The following PITPNM2 variants were observed in gnomAD, a reference collection of about 807,000 sequenced individuals.
The protein encoded by PITPNM2 is membrane-associated phosphatidylinositol transfer protein 2.
Under a neutral mutation model 132.2 loss-of-function variants are expected in PITPNM2, and 35 were observed. That is an observed-to-expected ratio of 0.26 (90% CI 0.20 to 0.35). PITPNM2 has a LOEUF of 0.35. Ranked by LOEUF, PITPNM2 falls within the 10% of genes least tolerant of loss-of-function variation. The pLI, the probability that PITPNM2 is intolerant of heterozygous loss-of-function variation, is 1.00. For synonymous variants in PITPNM2, 738 were observed against 799.2 expected, an observed-to-expected ratio of 0.92 and a Z score of 1.29; for missense variants, 1,332 against 1,912.0, an observed-to-expected ratio of 0.70 and a Z score of 5.66.
intron 1 of PITPNM2, among the ~76,000 whole-genome samples, chr12:123,122,915 T>C (rs1294939032): frequency 6.6e-6 from 1 of 152,236 alleles, no homozygotes; most frequent in African/African-American, 2.4e-5. Context: ...TGCCTCGCAC[T>C]CACACATTGT....
intron 3 of PITPNM2, among the ~76,000 whole-genome samples, chr12:123,020,765 G>A (rs1487257630): frequency 6.6e-6 from 1 of 152,070 alleles, no homozygotes; most frequent in African/African-American, 2.4e-5. Context: ...GTTCATGCCT[G>A]TAATCCCAGC....
Position 123,001,284 on chromosome 12 carries a change from C to T in PITPNM2, c.1049-126G>A, listed in dbSNP as rs2038665501. ...TCCTCAACAGGACGGCCACACAGCC[C>T]CACACCTTGGGCATCTTCCTGACCA... On this transcript the variant is annotated intron_variant, in intron 8 of 25. Coordinates refer to ENST00000320201, the MANE Select transcript of PITPNM2 (RefSeq NM_020845.3). 3 of 682,938 alleles carry T rather than the reference C, an allele frequency of 4.4e-6. No individual in the cohort carries two copies. The Admixed American group carries it at 7.5e-5, about 17-fold the overall frequency. The allele number at this position is 682,938 out of a possible 1,614,324, so 42.3% of individuals were successfully genotyped here. A position where few individuals can be genotyped will look rare whatever the true frequency, so the allele number is the denominator to read the frequency against.
At position 123,141,536 on chromosome 12, in the gene PITPNM2, C is replaced by T. The variant is rs185506071; in HGVS notation, c.-200+9217G>A. ...GCCAGGGATGCCTCTGGTTTGGAGG[C>T]TTCCCTGGAGAAAGAAGAGCAGCCG... On this transcript the variant is annotated intron_variant, in intron 1 of 25. Transcript: ENST00000320201. 2.4e-4 allele frequency among the ~76,000 whole-genome samples: 37 copies of T among 152,166 alleles called. No individual in the cohort carries two copies. The East Asian group carries it at 6.6e-3, about 27-fold the overall frequency.
intron 1 of PITPNM2, among the ~76,000 whole-genome samples, chr12:123,141,810 C>T (rs1483747216): frequency 3.9e-5 from 6 of 152,114 alleles, no homozygotes; most frequent in Non-Finnish European, 8.8e-5. Context: ...CTGCCAACAC[C>T]CCACACCCAG....
At chr12:123,015,620 GAAAT>G (rs371649089) in intron 3 of PITPNM2, among the ~76,000 whole-genome samples, 1 of 152,038 alleles carries the variant, frequency 6.6e-6, no homozygotes, top group Non-Finnish European at 1.5e-5. Flanking sequence ...TTTAAAAAAA[GAAAT>G]AAAATCACAA....
At position 122,990,651 on chromosome 12, in the gene PITPNM2, C is replaced by T. The variant is rs140681040; in HGVS notation, c.2463G>A (p.Pro821=). Residue 821 remains proline, a synonymous_variant, in exon 17 of 26, where the codon CCG becomes CCA. Coordinates refer to ENST00000320201, the MANE Select transcript of PITPNM2 (RefSeq NM_020845.3). ...AFQEHGAPSS[P]GTAPASRGFR... ...AGCCACGACTGGCAGGGGCAGTGCCCGGCGAGGAGGGGGCGCCATGCTCTT... is the reference window on the plus strand; with the variant it reads ...AGCCACGACTGGCAGGGGCAGTGCCTGGCGAGGAGGGGGCGCCATGCTCTT... The T allele has an allele frequency of 5.4e-5, 87 of 1,611,910 alleles. No individual in the cohort carries two copies. The African/African-American group carries it at 6.4e-4, about 12-fold the overall frequency.
intron 23 of PITPNM2, 77 bp from the exon 24 acceptor site, chr12:122,986,906 A>G (rs2037959691): frequency 1.4e-6 from 2 of 1,466,430 alleles, no homozygotes; most frequent in Non-Finnish European, 1.8e-6. Flanking sequence ...GCCAGGGCCC[A>G]CTTGGGCCAT....
chr12:122,989,940 C>T lies in PITPNM2; in HGVS notation c.2578G>A (p.Asp860Asn), dbSNP rs563437854. Residue 860 changes from aspartate to asparagine, a missense_variant, in exon 18 of 26, where the codon GAT becomes AAT. Physicochemically the swap from Asp to Asn is conservative, Grantham distance 23. This residue lies in a region of PITPNM2 where 710 missense variants were observed against 911.5 expected (regional missense o/e 0.78). Transcript: ENST00000320201. Reference sequence around the variant, plus strand: ...ACGCTGGGGGTATGGCTGAGCGCATCGGGGGCCTCTGAGAAGCAAGAGCAA... The same window carrying T: ...ACGCTGGGGGTATGGCTGAGCGCATTGGGGGCCTCTGAGAAGCAAGAGCAA... ...TASSIAQKAP[D>N]ALSHTPSVRR... The T allele has an allele frequency of 1.4e-4, 178 of 1,302,470 alleles. 2 individuals are homozygous for T. In the South Asian group the frequency reaches 3.2e-3, roughly 23 times the overall value. 80.7% of individuals were successfully genotyped at this position (1,302,470 alleles called of 1,614,324 possible). A position where few individuals can be genotyped will look rare whatever the true frequency, so the allele number is the denominator to read the frequency against.
Position 122,992,411 on chromosome 12 carries a change from G to A in PITPNM2, c.2404+88C>T. On this transcript the variant is annotated intron_variant, in intron 16 of 25. Transcript: ENST00000320201. This position sits in a 1 kb window ranked among gnomAD's most constrained non-coding sequence, Gnocchi z 6.5. ...CAAGCTGTCCCTCTCACCTGGGGAA[G>A]AACCACGTAGCATGGAGGACCTAGG... 2.7e-6 allele frequency: 4 copies of A among 1,462,264 alleles called. No homozygotes were observed. Among genetic ancestry groups the A allele is most frequent in the East Asian group, 2.5e-5 (1 of 40,420 alleles). 90.6% of individuals were successfully genotyped at this position (1,462,264 alleles called of 1,614,324 possible).
At chr12:123,140,618 A>G (rs1334225664) in intron 1 of PITPNM2, among the ~76,000 whole-genome samples, 1 of 151,902 alleles carries the variant, frequency 6.6e-6, no homozygotes, top group African/African-American at 2.4e-5. Flanking sequence ...GATCTGCTTG[A>G]CCAGCTGTCA....
chr12:123,017,256 C>G (rs2039463564), intron 3 of PITPNM2, among the ~76,000 whole-genome samples: 1 of 151,406 alleles, frequency 6.6e-6, no homozygotes, highest in Admixed American at 6.6e-5. Context: ...GCCTGTAATC[C>G]CAGCTATTTG....
rs2042776032 is a variant in PITPNM2 at position 123,108,838 on chromosome 12, G to A, written c.-96+1547C>T. Reference sequence around the variant, plus strand: ...CTTCCCAGCAAGGATGAGGGCACCCGGAGAAGGGAAGGGACTTACCCGAGA... The same window carrying A: ...CTTCCCAGCAAGGATGAGGGCACCCAGAGAAGGGAAGGGACTTACCCGAGA... On this transcript the variant is annotated intron_variant, in intron 2 of 25. Coordinates refer to ENST00000320201, the MANE Select transcript of PITPNM2 (RefSeq NM_020845.3). The surrounding 1 kb of genome is among the most constrained non-coding windows in gnomAD (Gnocchi z 4.4). Among the ~76,000 whole-genome samples the A allele has an allele frequency of 1.3e-5, 2 of 152,094 alleles. No homozygotes were observed. The highest frequency in any genetic ancestry group is 2.1e-4 in the South Asian group (1 of 4,816).
chr12:123,059,755 C>T lies in PITPNM2; in HGVS notation c.-95-25070G>A, dbSNP rs537544669. On this transcript the variant is annotated intron_variant, in intron 2 of 25. Coordinates refer to ENST00000320201, the MANE Select transcript of PITPNM2 (RefSeq NM_020845.3). ...CCTGATTCTGTGGCTATGAAACATC[C>T]GGAATAGACAAATCCATAGAGCTAG... Among the ~76,000 whole-genome samples, 121 of 152,274 alleles carry T rather than the reference C, an allele frequency of 7.9e-4. 1 individual carries two copies. Among genetic ancestry groups the T allele is most frequent in the African/African-American group, 2.8e-3 (116 of 41,542 alleles).
At chr12:122,997,666 C>T (rs2038489926) in intron 10 of PITPNM2, 94 bp from the exon 11 acceptor site, 10 of 1,504,466 alleles carry the variant, frequency 6.6e-6, no homozygotes, top group South Asian at 5.0e-5. Context: ...GCCTCTTGCA[C>T]GCAGCCCAAC....
rs892154384 is a variant in PITPNM2, at chr12:123,005,612, C to T, written c.644-64G>A. 36 of 1,521,388 alleles carry T rather than the reference C, an allele frequency of 2.4e-5. No individual in the cohort carries two copies. The highest frequency in any genetic ancestry group is 2.7e-5 in the Non-Finnish European group (30 of 1,121,896). The allele number at this position is 1,521,388 out of a possible 1,614,324, so 94.2% of individuals were successfully genotyped here. On this transcript the variant is annotated intron_variant, in intron 6 of 25. Coordinates refer to ENST00000320201, the MANE Select transcript of PITPNM2 (RefSeq NM_020845.3). The surrounding 1 kb of genome is among the most constrained non-coding windows in gnomAD (Gnocchi z 6.2). ...AGGGAGGTCAGCGCAGGAGCCTGCA[C>T]GGAAGTGTGGGGCCCAGGCAGGGGC... is the stretch of plus-strand genomic sequence containing the variant.
At chr12:123,030,415 C>A (rs755641153) in intron 3 of PITPNM2, among the ~76,000 whole-genome samples, 26 of 152,242 alleles carry the variant, frequency 1.7e-4, no homozygotes, top group African/African-American at 5.1e-4. Context: ...ACTTGTAGGC[C>A]GGGCGCGGTG....
intron 19 of PITPNM2, 108 bp downstream of exon 19, chr12:122,988,616 C>G (rs951502903): frequency 8.3e-7 from 1 of 1,211,022 alleles, no homozygotes; most frequent in African/African-American, 1.5e-5. Context: ...GCTCTGTGAT[C>G]TGATGGGGTT....
chr12:123,135,833 C>G (rs1022652080), intron 1 of PITPNM2, among the ~76,000 whole-genome samples: 4 of 152,200 alleles, frequency 2.6e-5, no homozygotes, highest in African/African-American at 7.2e-5. Context: ...GTAGCTGCAA[C>G]TGCAAGCCCG....
intron 5 of PITPNM2, 23 bp from the exon 6 acceptor site, chr12:123,010,100 G>A: frequency 6.3e-7 from 1 of 1,575,836 alleles, no homozygotes; most frequent in Non-Finnish European, 8.7e-7. Context: ...CCTTAGAGTG[G>A]CCACTTCTGC....
Sources: gnomAD v4.1 joint callset for allele counts (sites outside exome capture counted in the v4.1 genomes callset) on GRCh38, gnomAD v4.1.1 for gene constraint, gnomAD v4.1.1 regional missense constraint, Gnocchi (gnomAD v3.1) non-coding constraint, MANE v1.5 for transcripts, NCBI Gene and HGNC (gene_info 2026-07-23, HGNC 2026-07-21) for gene names.